The following SLC9A2 variants were observed in gnomAD, a reference collection of about 807,000 sequenced individuals.
SLC9A2 encodes the protein sodium/hydrogen exchanger 2.
A neutral mutation model predicts 71.7 loss-of-function variants in SLC9A2; 42 were observed. The ratio of observed to expected loss-of-function variants is 0.59; its 90% CI spans 0.46 to 0.76. The LOEUF (loss-of-function observed/expected upper bound fraction) is 0.76, where lower values mean the gene tolerates loss of function less well. Ranked by LOEUF, SLC9A2 falls within the 30% of genes least tolerant of loss-of-function variation. The pLI is 0.00. For missense variants in SLC9A2, 829 were observed against 1,017.4 expected, an observed-to-expected ratio of 0.81 and a Z score of 2.52; for synonymous variants, 396 against 392.5, an observed-to-expected ratio of 1.01 and a Z score of -0.10.
intron 10 of SLC9A2, 127 bp from the exon 11 acceptor site, chr2:102,705,719 G>A: frequency 1.8e-6 from 1 of 547,536 alleles, no homozygotes; most frequent in East Asian, 3.2e-5. Context: ...CCCTCACAAA[G>A]TAATTTTGGA....
Position 102,619,618 on chromosome 2 carries a change from A to C in SLC9A2, c.-231A>C, listed in dbSNP as rs2104490587. The C allele has an allele frequency of 2.5e-6, 1 of 401,320 alleles. No homozygotes were observed. The highest frequency in any genetic ancestry group is 4.4e-6 in the Non-Finnish European group (1 of 228,312). 24.9% of individuals were successfully genotyped at this position (401,320 alleles called of 1,614,324 possible). ...AGGGCGGCTGAGGGCTGCTGAGGGT[A>C]CGCGCAGCGGCCTCTCGTCGCCCTG... is the stretch of plus-strand genomic sequence containing the variant. On this transcript the variant is annotated 5_prime_UTR_variant, in exon 1 of 12. Transcript: ENST00000233969. This position sits in a 1 kb window ranked among gnomAD's most constrained non-coding sequence, Gnocchi z 4.3.
chr2:102,697,028 T>C (rs1447329902), intron 7 of SLC9A2, among the ~76,000 whole-genome samples: 1 of 152,150 alleles, frequency 6.6e-6, no homozygotes, highest in African/African-American at 2.4e-5. Flanking sequence ...TTCATAGTAA[T>C]GCCTATTTTC....
At chr2:102,664,959 A>T (rs1053800779) in intron 2 of SLC9A2, 141 bp from the exon 3 acceptor site, 4 of 872,792 alleles carry the variant, frequency 4.6e-6, no homozygotes, top group Non-Finnish European at 5.3e-6. Context: ...AGACAAATGA[A>T]TACACAATGA....
At chr2:102,686,059 G>A (rs764465708) in intron 5 of SLC9A2, among the ~76,000 whole-genome samples, 1 of 152,174 alleles carries the variant, frequency 6.6e-6, no homozygotes, top group African/African-American at 2.4e-5. Context: ...CAGGAGATGT[G>A]CGTGTGTTTT....
chr2:102,651,106 A>C (rs556731359), intron 1 of SLC9A2, among the ~76,000 whole-genome samples: 14 of 152,178 alleles, frequency 9.2e-5, no homozygotes, highest in Non-Finnish European at 1.9e-4. Flanking sequence ...ATTCTGTTGG[A>C]GCACCTGTTA....
chr2:102,666,163 T>C (rs569020267), intron 3 of SLC9A2, among the ~76,000 whole-genome samples: 68 of 151,772 alleles, frequency 4.5e-4, no homozygotes, highest in African/African-American at 1.6e-3. Flanking sequence ...AATCAGCGAA[T>C]GAGAGTTGTG....
chr2:102,660,649 G>C (rs1252186233), intron 2 of SLC9A2, among the ~76,000 whole-genome samples: 2 of 152,198 alleles, frequency 1.3e-5, no homozygotes, highest in Non-Finnish European at 2.9e-5. Context: ...AGGCTTATCT[G>C]TAGGAGAGGT....
rs1477421220 is a variant in SLC9A2, at chr2:102,683,453, C to T, written c.1197C>T (p.Ala399=). Residue 399 remains alanine, a synonymous_variant, in exon 4 of 12, where the codon GCC becomes GCT. Coordinates refer to ENST00000233969, the MANE Select transcript of SLC9A2 (RefSeq NM_003048.6). ...WNWAFVCFTL[A]FCLMWRALGV... is the part of the protein sequence containing the mutation. ...GGGCCTTCGTCTGCTTCACCCTGGC[C>T]TTCTGCCTCATGTGGCGAGCCCTGG... The T allele has an allele frequency of 2.5e-6, 4 of 1,614,096 alleles. No individual in the cohort carries two copies. In the African/African-American group the frequency reaches 4.0e-5, roughly 16 times the overall value.
At chr2:102,679,875 A>C (rs1677417564) in intron 3 of SLC9A2, among the ~76,000 whole-genome samples, 1 of 152,228 alleles carries the variant, frequency 6.6e-6, no homozygotes, top group Non-Finnish European at 1.5e-5. Flanking sequence ...AATGATTCAA[A>C]AAAATCAACT....
chr2:102,656,636 A>G (rs1676948951), intron 1 of SLC9A2, among the ~76,000 whole-genome samples: 1 of 152,224 alleles, frequency 6.6e-6, no homozygotes, highest in African/African-American at 2.4e-5. Context: ...CGTCTCAAAT[A>G]TTAAACCTAT....
chr2:102,689,421 T>G (rs1200361892), intron 5 of SLC9A2, among the ~76,000 whole-genome samples: 1 of 152,178 alleles, frequency 6.6e-6, no homozygotes, highest in African/African-American at 2.4e-5. Context: ...GGGCCCATGG[T>G]GGGGTAGCCT....
chr2:102,642,997 A>C (rs1676639692), intron 1 of SLC9A2, among the ~76,000 whole-genome samples: 5 of 152,104 alleles, frequency 3.3e-5, no homozygotes, highest in Admixed American at 2.6e-4. Context: ...TCATGTGTGT[A>C]TATGGTTGCT....
intron 1 of SLC9A2, among the ~76,000 whole-genome samples, chr2:102,650,492 A>G (rs947699063): frequency 6.6e-6 from 1 of 152,194 alleles, no homozygotes; most frequent in Non-Finnish European, 1.5e-5. Flanking sequence ...AAAGTAAAAT[A>G]AAAAATAATT....
At chr2:102,683,814 C>T (rs1461231608) in intron 4 of SLC9A2, among the ~76,000 whole-genome samples, 1 of 152,040 alleles carries the variant, frequency 6.6e-6, no homozygotes, top group Non-Finnish European at 1.5e-5. Flanking sequence ...TCCTCATCGC[C>T]CTCTTCATCT....
At chr2:102,645,042 A>T (rs1268829030) in intron 1 of SLC9A2, among the ~76,000 whole-genome samples, 1 of 152,138 alleles carries the variant, frequency 6.6e-6, no homozygotes, top group East Asian at 1.9e-4. Flanking sequence ...CACCTCATAC[A>T]GGGGAGCTCT....
At chr2:102,640,424 C>T (rs893032392) in intron 1 of SLC9A2, among the ~76,000 whole-genome samples, 1 of 152,210 alleles carries the variant, frequency 6.6e-6, no homozygotes, top group African/African-American at 2.4e-5. Flanking sequence ...CATCAAAAGT[C>T]CTGGGCCTTC....
intron 2 of SLC9A2, among the ~76,000 whole-genome samples, chr2:102,664,295 CAG>C (rs1677096426): frequency 6.7e-6 from 1 of 150,300 alleles, no homozygotes; most frequent in Non-Finnish European, 1.5e-5. Context: ...AAAAGAACAA[CAG>C]AGCAGTCTCA....
At chr2:102,639,519 T>G (rs957477046) in intron 1 of SLC9A2, among the ~76,000 whole-genome samples, 7 of 152,242 alleles carry the variant, frequency 4.6e-5, no homozygotes, top group Non-Finnish European at 1.0e-4. Flanking sequence ...GAGATCCATT[T>G]AGCAGCATTA....
intron 1 of SLC9A2, among the ~76,000 whole-genome samples, chr2:102,626,886 A>G (rs1259909993): frequency 6.6e-6 from 1 of 152,304 alleles, no homozygotes; most frequent in East Asian, 1.9e-4. Flanking sequence ...AAAATGTTAC[A>G]TTATATCCAC....
Sources: allele counts gnomAD v4.1 joint callset (sites outside exome capture counted in the v4.1 genomes callset), GRCh38; gene constraint gnomAD v4.1.1; non-coding constraint Gnocchi (gnomAD v3.1); transcripts MANE v1.5; gene names NCBI Gene and HGNC (gene_info 2026-07-23, HGNC 2026-07-21).